FAAH2: variants seen among roughly 807,000 people sequenced by gnomAD.
FAAH2 encodes the protein fatty acid amide hydrolase 2, also known as fatty-acid amide hydrolase 2.
In FAAH2, 60 loss-of-function variants were observed where a neutral mutation model predicts 36.9. The observed-to-expected ratio is 1.63, with a 90% confidence interval of 1.32 to 2.02. The LOEUF is 2.02. Among genes scored for constraint, FAAH2 ranks in the 30% most tolerant of loss-of-function variants. The pLI is 0.00. For synonymous variants in FAAH2, 214 were observed against 143.8 expected (o/e 1.49, Z -3.49); for missense variants, 689 against 397.5 (o/e 1.73, Z -6.23).
chrX:57,334,681 GA>G (rs2053498968), intron 4 of FAAH2, among the ~76,000 whole-genome samples: 1 of 111,609 alleles, frequency 9.0e-6, no homozygotes, highest in Non-Finnish European at 1.9e-5. Context: ...TGTTATATGG[GA>G]TGGGATAAAG....
the FAAH2 span, among the ~76,000 whole-genome samples, chrX:57,202,392 G>A: frequency 8.9e-6 from 1 of 111,932 alleles, no homozygotes; most frequent in Non-Finnish European, 1.9e-5. Context: ...GACTCATAGA[G>A]GTAATACCTT....
At chrX:57,405,455 G>A (rs1283853755) in intron 7 of FAAH2, among the ~76,000 whole-genome samples, 1 of 110,089 alleles carries the variant, frequency 9.1e-6, no homozygotes, top group African/African-American at 3.3e-5. Flanking sequence ...ACAGTGGTGA[G>A]TCTTTAGCCC....
intron 6 of FAAH2, among the ~76,000 whole-genome samples, chrX:57,379,936 C>T (rs763724916): frequency 9.1e-6 from 1 of 109,767 alleles, no homozygotes; most frequent in Non-Finnish European, 1.9e-5. Context: ...CAAACTCTGC[C>T]CTTGGCTCTT....
chrX:57,170,765 C>T, the FAAH2 span, among the ~76,000 whole-genome samples: 5 of 109,820 alleles, frequency 4.6e-5, no homozygotes, highest in African/African-American at 1.7e-4. Context: ...AATGCAGTGG[C>T]GTGATCTTGG....
At chrX:57,325,234 A>G (rs773072011) in intron 3 of FAAH2, among the ~76,000 whole-genome samples, 3 of 111,697 alleles carry the variant, frequency 2.7e-5, no homozygotes, top group East Asian at 5.6e-4. Flanking sequence ...TGCTGGATTC[A>G]GTTTGCCAGT....
At chrX:57,381,936 C>T (rs2054861844) in intron 7 of FAAH2, among the ~76,000 whole-genome samples, 1 of 111,433 alleles carries the variant, frequency 9.0e-6, no homozygotes, top group South Asian at 3.8e-4. Flanking sequence ...TAAAGCACTC[C>T]TCAGCAAACG....
intron 2 of FAAH2, among the ~76,000 whole-genome samples, chrX:57,302,437 C>T (rs2052400126): frequency 9.0e-6 from 1 of 111,452 alleles, no homozygotes; most frequent in South Asian, 3.8e-4. Flanking sequence ...TAAAGATAAA[C>T]ACAACAGTCC....
At chrX:57,421,773 C>T (rs757172868) in intron 7 of FAAH2, among the ~76,000 whole-genome samples, 8 of 111,847 alleles carry the variant, frequency 7.2e-5, no homozygotes, top group Admixed American at 2.8e-4. Context: ...GAGCGTGGGT[C>T]CATTGACACA....
chrX:57,139,481 G>A, the FAAH2 span, among the ~76,000 whole-genome samples: 1 of 111,280 alleles, frequency 9.0e-6, no homozygotes, highest in Middle Eastern at 4.2e-3. Flanking sequence ...TTTGTTTTTT[G>A]AGACGGAGTC....
chrX:57,199,027 C>T, the FAAH2 span, among the ~76,000 whole-genome samples: 23 of 109,761 alleles, frequency 2.1e-4, no homozygotes, highest in African/African-American at 6.6e-4. Context: ...CTGGTATGTT[C>T]CTGTGGTAGT....
At chrX:57,418,148 G>A (rs2055895583) in intron 7 of FAAH2, among the ~76,000 whole-genome samples, 1 of 111,992 alleles carries the variant, frequency 8.9e-6, no homozygotes, top group Non-Finnish European at 1.9e-5. Context: ...AAGCCAGTGG[G>A]TCTTCACTTG....
intron 5 of FAAH2, among the ~76,000 whole-genome samples, chrX:57,347,488 T>A (rs1306550296): frequency 5.4e-5 from 6 of 111,086 alleles, no homozygotes; most frequent in African/African-American, 2.0e-4. Flanking sequence ...CCTGGATTCC[T>A]TGGATTGGGT....
chrX:57,413,494 G>A (rs1000972514), intron 7 of FAAH2, among the ~76,000 whole-genome samples: 1 of 111,779 alleles, frequency 8.9e-6, no homozygotes, highest in South Asian at 3.8e-4. Flanking sequence ...TTTCCCCATT[G>A]CTTGTGTCAG....
chrX:57,233,268 C>T, the FAAH2 span, among the ~76,000 whole-genome samples: 1 of 111,346 alleles, frequency 9.0e-6, no homozygotes, highest in Non-Finnish European at 1.9e-5. Flanking sequence ...CTGACCTCCC[C>T]TCTTTCTATT....
At chrX:57,159,182 C>G in the FAAH2 span, among the ~76,000 whole-genome samples, 14 of 111,681 alleles carry the variant, frequency 1.3e-4, no homozygotes, top group African/African-American at 4.6e-4. Flanking sequence ...GGGCTCTGTT[C>G]TGTTCCATTT....
intron 2 of FAAH2, among the ~76,000 whole-genome samples, chrX:57,297,381 T>A (rs1000746552): frequency 1.8e-5 from 2 of 110,517 alleles, no homozygotes; most frequent in African/African-American, 3.3e-5. Context: ...AGAAATAGAA[T>A]CCTTTACAGA....
chrX:57,434,266 G>T (rs2056364630), intron 8 of FAAH2, among the ~76,000 whole-genome samples: 1 of 108,473 alleles, frequency 9.2e-6, no homozygotes, highest in Non-Finnish European at 1.9e-5. Context: ...AGTAGAGATG[G>T]GGTTTCACCA....
chrX:57,198,359 C>T, the FAAH2 span, among the ~76,000 whole-genome samples: 24 of 111,704 alleles, frequency 2.1e-4, 1 homozygote, highest in South Asian at 8.6e-3. Flanking sequence ...TAGGGGAAAG[C>T]TGGATGTTAC....
chrX:57,271,344 A>G, the FAAH2 span, among the ~76,000 whole-genome samples: 3 of 112,487 alleles, frequency 2.7e-5, no homozygotes, highest in Non-Finnish European at 5.6e-5. Context: ...GGCTTATAGC[A>G]GACATAAAAG....
Sources: gnomAD v4.1 joint callset for allele counts (sites outside exome capture counted in the v4.1 genomes callset) on GRCh38, gnomAD v4.1.1 for gene constraint, MANE v1.5 for transcripts, NCBI Gene and HGNC (gene_info 2026-07-23, HGNC 2026-07-21) for gene names.